Variants in LRP1B observed in about 807,000 individuals in gnomAD.
LRP1B encodes the protein LDL receptor related protein 1B.
A neutral mutation model predicts 556.6 loss-of-function variants in LRP1B; 217 were observed. The observed-to-expected ratio is 0.39, with a 90% confidence interval of 0.35 to 0.44. The LOEUF is 0.44. Among genes scored for constraint, LRP1B ranks in the 20% least tolerant of loss-of-function variants. The probability of loss-of-function intolerance (pLI) is 1.00; values close to 1 mark genes in which losing one functional copy is unlikely to be tolerated. For missense variants in LRP1B, 5,053 were observed against 5,620.8 expected, an observed-to-expected ratio of 0.90 and a Z score of 3.23; for synonymous variants, 2,047 against 1,865.8, an observed-to-expected ratio of 1.10 and a Z score of -2.50.
chr2:141,655,870 T>G (rs1301208118), intron 2 of LRP1B, among the ~76,000 whole-genome samples: 2 of 152,106 alleles, frequency 1.3e-5, no homozygotes, highest in Non-Finnish European at 1.5e-5. Flanking sequence ...TGCACACAAA[T>G]GTACCACTCT....
Position 140,297,715 on chromosome 2 carries a change from G to A in LRP1B, c.12967+93C>T, listed in dbSNP as rs2104999930. The A allele has an allele frequency of 3.7e-6, 5 of 1,368,822 alleles. No homozygotes were observed. In the Admixed American group the frequency reaches 6.3e-5, roughly 17 times the overall value. 84.8% of individuals were successfully genotyped at this position (1,368,822 alleles called of 1,614,324 possible). On this transcript the variant is annotated intron_variant, in intron 84 of 90. Transcript: ENST00000389484. ...AGACTGAACCTGAAAAATAGAGGAT[G>A]GCTAAAATTAAGATAATGGAAGGAG...
intron 56 of LRP1B, among the ~76,000 whole-genome samples, chr2:140,494,606 CA>C (rs77006034): frequency 0.19 from 12,122 of 64,316 alleles, 268 homozygotes; most frequent in East Asian, 0.38. Flanking sequence ...GACTCCGTCT[CA>C]AAAAAAAAAA....
intron 2 of LRP1B, among the ~76,000 whole-genome samples, chr2:141,707,890 T>C (rs1574266745): frequency 6.6e-6 from 1 of 152,118 alleles, no homozygotes; most frequent in Non-Finnish European, 1.5e-5. Flanking sequence ...GGTGTTACAT[T>C]TGTGTACTAA....
intron 2 of LRP1B, among the ~76,000 whole-genome samples, chr2:141,664,141 G>A (rs1267867601): frequency 4.6e-5 from 7 of 152,040 alleles, no homozygotes; most frequent in South Asian, 2.1e-4. Context: ...CTAAAACCAC[G>A]TAATTATCTC....
intron 1 of LRP1B, among the ~76,000 whole-genome samples, chr2:142,092,457 C>T (rs994119876): frequency 6.6e-6 from 1 of 151,988 alleles, no homozygotes; most frequent in African/African-American, 2.4e-5. Flanking sequence ...AGGTCCATAA[C>T]TTTGTGGAAA....
intron 22 of LRP1B, 25 bp from the exon 23 acceptor site, chr2:140,903,190 T>C (rs200475098): frequency 1.9e-6 from 3 of 1,608,176 alleles, no homozygotes; most frequent in South Asian, 2.2e-5. Flanking sequence ...GAACAGATTA[T>C]AGGTCTTATC....
chr2:141,025,356 A>G (rs1698188651), intron 11 of LRP1B, among the ~76,000 whole-genome samples: 1 of 152,116 alleles, frequency 6.6e-6, no homozygotes, highest in Non-Finnish European at 1.5e-5. Flanking sequence ...AACCATATCT[A>G]AAGCATATTG....
chr2:140,322,594 C>T (rs1028803989), intron 81 of LRP1B, among the ~76,000 whole-genome samples: 17 of 117,804 alleles, frequency 1.4e-4, no homozygotes, highest in Admixed American at 8.5e-4. Context: ...ATGAAAAATA[C>T]GACTTTTTTT....
At chr2:141,050,870 C>A (rs958950315) in intron 10 of LRP1B, among the ~76,000 whole-genome samples, 2 of 151,954 alleles carry the variant, frequency 1.3e-5, no homozygotes, top group South Asian at 4.2e-4. Context: ...AGAACATTTT[C>A]GCAATCTACC....
At chr2:140,954,765 C>T (rs769911116) in intron 18 of LRP1B, among the ~76,000 whole-genome samples, 12 of 151,858 alleles carry the variant, frequency 7.9e-5, no homozygotes, top group African/African-American at 9.7e-5. Flanking sequence ...ATAATGTAAA[C>T]GTGTGCTTTA....
At chr2:140,451,973 T>G (rs898049231) in intron 62 of LRP1B, among the ~76,000 whole-genome samples, 2 of 152,118 alleles carry the variant, frequency 1.3e-5, no homozygotes, top group African/African-American at 4.8e-5. Context: ...GAAATGGAAA[T>G]TTTAACTCCT....
At chr2:141,535,252 T>A (rs947207260) in intron 2 of LRP1B, among the ~76,000 whole-genome samples, 2 of 152,178 alleles carry the variant, frequency 1.3e-5, no homozygotes, top group Non-Finnish European at 2.9e-5. Context: ...CTAATACACA[T>A]CTTCTGGAAG....
intron 1 of LRP1B, among the ~76,000 whole-genome samples, chr2:142,049,045 G>A (rs1410684133): frequency 2.0e-5 from 3 of 151,936 alleles, no homozygotes; most frequent in Non-Finnish European, 4.4e-5. Flanking sequence ...CATTTTAACT[G>A]TTATTTGATT....
At chr2:141,856,369 G>A (rs2105782122) in intron 1 of LRP1B, among the ~76,000 whole-genome samples, 1 of 152,242 alleles carries the variant, frequency 6.6e-6, no homozygotes, top group Middle Eastern at 3.4e-3. Context: ...ATTAAGGCAA[G>A]AGCTTGTCTA....
intron 1 of LRP1B, among the ~76,000 whole-genome samples, chr2:142,029,354 G>GA (rs1318450656): frequency 6.6e-6 from 1 of 151,864 alleles, no homozygotes; most frequent in African/African-American, 2.4e-5. Flanking sequence ...CAGCTTTACT[G>GA]AAAGTTGGCC....
chr2:141,656,449 T>C (rs949703521), intron 2 of LRP1B, among the ~76,000 whole-genome samples: 1 of 152,192 alleles, frequency 6.6e-6, no homozygotes, highest in Non-Finnish European at 1.5e-5. Context: ...TAAACATCTG[T>C]ATCTTAATAT....
chr2:140,394,182 T>C (rs1684153667), intron 66 of LRP1B, among the ~76,000 whole-genome samples: 2 of 151,412 alleles, frequency 1.3e-5, no homozygotes, highest in Admixed American at 1.3e-4. Context: ...AACATTCTTA[T>C]TGTTTTAATC....
chr2:141,067,086 T>C lies in LRP1B; in HGVS notation c.1014-4813A>G, dbSNP rs148667945. 3.7e-3 allele frequency among the ~76,000 whole-genome samples: 569 copies of C among 152,110 alleles called. 2 individuals carry two copies. The highest frequency in any genetic ancestry group is 9.3e-3 in the South Asian group (45 of 4,830). ...TTATAGTAACTTAGTGTTATCCAAA[T>C]AGCATCAATAGTAACATAACCTCAT... On this transcript the variant is annotated intron_variant, in intron 7 of 90. Coordinates refer to ENST00000389484, the MANE Select transcript of LRP1B (RefSeq NM_018557.3).
intron 2 of LRP1B, among the ~76,000 whole-genome samples, chr2:141,756,160 G>C (rs1412992129): frequency 6.6e-6 from 1 of 151,968 alleles, no homozygotes; most frequent in African/African-American, 2.4e-5. Flanking sequence ...CCTTTTGCCA[G>C]AAACTTCAAG....
Sources: allele counts gnomAD v4.1 joint callset (sites outside exome capture counted in the v4.1 genomes callset), GRCh38; gene constraint gnomAD v4.1.1; transcripts MANE v1.5; gene names NCBI Gene and HGNC (gene_info 2026-07-23, HGNC 2026-07-21).